METTL15: variants seen among roughly 807,000 people sequenced by gnomAD.
The protein encoded by METTL15 is 12S rRNA N(4)-cytidine methyltransferase METTL15.
In METTL15, 34 loss-of-function variants were observed where a neutral mutation model predicts 38.3. The ratio of observed to expected loss-of-function variants is 0.89; its 90% CI spans 0.68 to 1.18. METTL15 has a LOEUF of 1.18. METTL15 is among the 50% of genes most tolerant of loss of function. The pLI is 0.00. For missense variants in METTL15, 438 were observed against 498.4 expected (o/e 0.88, Z 1.15); for synonymous variants, 162 against 170.9 (o/e 0.95, Z 0.41).
intron 4 of METTL15, among the ~76,000 whole-genome samples, chr11:28,282,868 G>A (rs149267905): frequency 5.8e-4 from 88 of 152,274 alleles, no homozygotes; most frequent in African/African-American, 2.0e-3. Flanking sequence ...AACTTAGATT[G>A]CTGACCCATA....
At chr11:28,149,116 A>T (rs1316935353) in intron 3 of METTL15, among the ~76,000 whole-genome samples, 1 of 151,848 alleles carries the variant, frequency 6.6e-6, no homozygotes, top group African/African-American at 2.4e-5. Context: ...AGTTAGCTTA[A>T]ACACTTGAAT....
chr11:28,271,596 C>T (rs188350228), intron 4 of METTL15, among the ~76,000 whole-genome samples: 45 of 152,132 alleles, frequency 3.0e-4, no homozygotes, highest in African/African-American at 3.6e-4. Context: ...CCCCACCCAC[C>T]GCAAGATTGG....
At chr11:28,240,618 C>A (rs368721902) in intron 4 of METTL15, among the ~76,000 whole-genome samples, 1 of 152,108 alleles carries the variant, frequency 6.6e-6, no homozygotes, top group South Asian at 2.1e-4. Context: ...TAAATATATG[C>A]GTAAGAGCTT....
At chr11:28,210,977 T>C in intron 3 of METTL15, 85 bp from the exon 4 acceptor site, 1 of 1,367,102 alleles carries the variant, frequency 7.3e-7, no homozygotes. Flanking sequence ...CTGAAAATCA[T>C]TGTGTGCTTC....
chr11:28,370,843 G>C (rs1409081539), intron 5 of METTL15, among the ~76,000 whole-genome samples: 1 of 151,830 alleles, frequency 6.6e-6, no homozygotes, highest in Admixed American at 6.6e-5. Flanking sequence ...GTCATTGATA[G>C]GTCTTCTTTT....
chr11:28,375,389 T>G (rs1217033477), intron 5 of METTL15, among the ~76,000 whole-genome samples: 3 of 151,998 alleles, frequency 2.0e-5, no homozygotes, highest in Admixed American at 6.6e-5. Flanking sequence ...CCTGGTTTAG[T>G]CTTGGGATAG....
At chr11:28,163,124 G>C (rs1850529659) in intron 3 of METTL15, among the ~76,000 whole-genome samples, 1 of 149,124 alleles carries the variant, frequency 6.7e-6, no homozygotes, top group African/African-American at 2.4e-5. Flanking sequence ...TGAAAAGGCA[G>C]ATATTGCTGA....
chr11:28,461,995 A>G (rs1177767813), intron 6 of METTL15, among the ~76,000 whole-genome samples: 1 of 141,936 alleles, frequency 7.0e-6, no homozygotes, highest in African/African-American at 2.5e-5. Context: ...TTCAACAAAT[A>G]TTTGTTGAAC....
At chr11:28,239,473 C>T (rs1045827332) in intron 4 of METTL15, among the ~76,000 whole-genome samples, 1 of 152,204 alleles carries the variant, frequency 6.6e-6, no homozygotes, top group Non-Finnish European at 1.5e-5. Flanking sequence ...TCCAGGCCAC[C>T]ATCATCTCCT....
chr11:28,202,809 A>G (rs1023865327), intron 3 of METTL15, among the ~76,000 whole-genome samples: 1 of 152,122 alleles, frequency 6.6e-6, no homozygotes, highest in Admixed American at 6.6e-5. Context: ...CCAAACTAAG[A>G]TGGGAACTTA....
At chr11:28,391,248 C>G (rs1395643330) in intron 5 of METTL15, among the ~76,000 whole-genome samples, 1 of 152,030 alleles carries the variant, frequency 6.6e-6, no homozygotes, top group Non-Finnish European at 1.5e-5. Context: ...TTGCCCTGGC[C>G]AGAACTTCCC....
intron 3 of METTL15, among the ~76,000 whole-genome samples, chr11:28,207,941 G>C (rs1288548467): frequency 6.6e-6 from 1 of 152,040 alleles, no homozygotes; most frequent in Non-Finnish European, 1.5e-5. Context: ...TATTTCTGTG[G>C]GATCTGTGGT....
At chr11:28,303,445 G>A (rs183855028) in intron 6 of METTL15, among the ~76,000 whole-genome samples, 15 of 152,188 alleles carry the variant, frequency 9.9e-5, no homozygotes, top group African/African-American at 3.6e-4. Context: ...AGATCATTGA[G>A]ATTTAGGTTA....
In METTL15 at chr11:28,421,684, G is replaced by T. The variant is rs774392311; in HGVS notation, c.*359-2615G>T. 4.0e-5 allele frequency among the ~76,000 whole-genome samples: 6 copies of T among 151,386 alleles called. No individual in the cohort carries two copies. The South Asian group carries it at 1.0e-3, about 26-fold the overall frequency. ...CTGCATGATAAAAACCCTAAAAAATGACATAGATGTAATAAAAACCGTATA... is the reference window on the plus strand; with the variant it reads ...CTGCATGATAAAAACCCTAAAAAATTACATAGATGTAATAAAAACCGTATA... On this transcript the variant is annotated intron_variant and NMD_transcript_variant, in intron 5 of 7. Coordinates refer to the METTL15 transcript ENST00000532947.
At chr11:28,499,898 A>T (rs1247719783) in intron 6 of METTL15, among the ~76,000 whole-genome samples, 1 of 152,208 alleles carries the variant, frequency 6.6e-6, no homozygotes, top group Non-Finnish European at 1.5e-5. Context: ...GCCAAACTGA[A>T]ATCTAACTTT....
At chr11:28,234,223 G>C (rs1853828674) in intron 4 of METTL15, among the ~76,000 whole-genome samples, 1 of 152,026 alleles carries the variant, frequency 6.6e-6, no homozygotes, top group African/African-American at 2.4e-5. Context: ...ATTTGGGTTG[G>C]TTCCAGGTCT....
At chr11:28,135,632 T>C (rs188707769) in intron 3 of METTL15, among the ~76,000 whole-genome samples, 106 of 152,326 alleles carry the variant, frequency 7.0e-4, no homozygotes, top group African/African-American at 2.3e-3. Flanking sequence ...TTTCTCCAAT[T>C]GTGTCCTGTT....
chr11:28,419,769 A>G (rs1850804293), intron 5 of METTL15, among the ~76,000 whole-genome samples: 2 of 152,240 alleles, frequency 1.3e-5, no homozygotes, highest in Admixed American at 1.3e-4. Context: ...AACCCCAGAT[A>G]ACACAGAGAA....
At chr11:28,510,609 A>C (rs1272225686) in intron 6 of METTL15, among the ~76,000 whole-genome samples, 1 of 152,180 alleles carries the variant, frequency 6.6e-6, no homozygotes, top group Non-Finnish European at 1.5e-5. Flanking sequence ...TACCACATGA[A>C]GTATATGTTA....
Sources: gnomAD v4.1 joint callset for allele counts (sites outside exome capture counted in the v4.1 genomes callset) on GRCh38, gnomAD v4.1.1 for gene constraint, MANE v1.5 for transcripts, NCBI Gene and HGNC (gene_info 2026-07-23, HGNC 2026-07-21) for gene names.